Variants in ADH1C observed in about 807,000 individuals in gnomAD.
ADH1C encodes alcohol dehydrogenase 1C.
Under a neutral mutation model 35.0 loss-of-function variants are expected in ADH1C, and 26 were observed. The ratio of observed to expected loss-of-function variants is 0.74; its 90% CI spans 0.54 to 1.03. The LOEUF is 1.03. Ranked by LOEUF, ADH1C falls within the 50% of genes least tolerant of loss-of-function variation. The pLI is 0.00. For synonymous variants in ADH1C, 170 were observed against 169.3 expected (o/e 1.00, Z -0.03); for missense variants, 413 against 465.4 (o/e 0.89, Z 1.04).
chr4:99,347,999 A>G (rs564606824), intron 1 of ADH1C, among the ~76,000 whole-genome samples, 153 bp from the exon 2 acceptor site: 7 of 152,254 alleles, frequency 4.6e-5, no homozygotes, highest in Admixed American at 1.3e-4. Flanking sequence ...TATAAAGAGA[A>G]TAAGAGTATC....
chr4:99,340,621 A>T lies in ADH1C; in HGVS notation c.918T>A (p.Pro306=). Reference sequence around the variant, plus strand: ...ACGTGCGTCCAGTCAGTAGCAGCATAGGGTTTATTGAGAGGTTCTGGGAAT... The same window carrying T: ...ACGTGCGTCCAGTCAGTAGCAGCATTGGGTTTATTGAGAGGTTCTGGGAAT... ...PPDSQNLSIN[P]MLLLTGRTWK... Residue 306 remains proline (P), a synonymous_variant, in exon 7 of 9, where the codon CCT becomes CCA. Coordinates refer to ENST00000515683, the MANE Select transcript of ADH1C (RefSeq NM_000669.5). 6.2e-7 allele frequency: 1 copy of T among 1,614,092 alleles called. No individual in the cohort carries two copies. Among genetic ancestry groups the T allele is most frequent in the South Asian group, 1.1e-5 (1 of 91,074 alleles).
At chr4:99,342,637 C>T (rs1734441296) in intron 6 of ADH1C, among the ~76,000 whole-genome samples, 158 bp downstream of exon 6, 1 of 152,096 alleles carries the variant, frequency 6.6e-6, no homozygotes. Flanking sequence ...GAAGACTTCT[C>T]ATAACAATAA....
chr4:99,343,053 G>A lies in ADH1C; in HGVS notation c.570C>T (p.Val190=). ...GYGSAVKVAK[V]TPGSTCAVFG... ...ACACAGCACAGGTAGACCCTGGGGT[G>A]ACCTATGTTTTCAGAAAATGCAAAA... Residue 190 remains valine, a splice_region_variant and synonymous_variant, in exon 6 of 9, where the codon GTC becomes GTT. Coordinates refer to ENST00000515683, the MANE Select transcript of ADH1C (RefSeq NM_000669.5). The A allele has an allele frequency of 2.5e-6, 4 of 1,606,792 alleles. No homozygotes were observed. Among genetic ancestry groups the A allele is most frequent in the Non-Finnish European group, 3.4e-6 (4 of 1,177,458 alleles).
chr4:99,341,994 G>A (rs1188551456), intron 6 of ADH1C, among the ~76,000 whole-genome samples: 8 of 136,944 alleles, frequency 5.8e-5, no homozygotes, highest in African/African-American at 2.2e-4. Context: ...CCTGGTGACA[G>A]AGTGAGACCC....
In ADH1C at chr4:99,339,512, G is replaced by GCCCCCC. The variant is rs5860576; in HGVS notation, c.1103+59_1103+64dup. On this transcript the variant is annotated intron_variant, in intron 8 of 8. Transcript: ENST00000515683. ...ACCTTTTCATTCTCTGCTAGACAAC[G>GCCCCCC]CCCCCCCCCCCCCCGCCGCTACTGT... 224 of 743,784 alleles carry GCCCCCC rather than the reference G, an allele frequency of 3.0e-4. 2 individuals carry two copies. Among genetic ancestry groups the GCCCCCC allele is most frequent in the Middle Eastern group, 7.1e-4 (2 of 2,812 alleles). The allele number at this position is 743,784 out of a possible 1,614,324, so 46.1% of individuals were successfully genotyped here.
At chr4:99,345,513 C>A (rs1458538053) in intron 3 of ADH1C, among the ~76,000 whole-genome samples, 1 of 152,166 alleles carries the variant, frequency 6.6e-6, no homozygotes, top group Admixed American at 6.5e-5. Flanking sequence ...AAAAAAATTC[C>A]ATCAACTGTG....
chr4:99,345,353 A>T, intron 3 of ADH1C, 87 bp from the exon 4 acceptor site: 1 of 1,308,702 alleles, frequency 7.6e-7, no homozygotes. Flanking sequence ...ATAGATTAGA[A>T]TTATGTGTCT....
Position 99,349,758 on chromosome 4 carries a change from G to A in ADH1C, c.19-1912C>T, listed in dbSNP as rs141177927. ...CAGAGACTCCTTCCAGCTTAGATTT[G>A]AGCCCAAAATTACAGAGGTTAGAGT... On this transcript the variant is annotated intron_variant, in intron 1 of 8. Coordinates refer to ENST00000515683, the MANE Select transcript of ADH1C (RefSeq NM_000669.5). Among the ~76,000 whole-genome samples the A allele has an allele frequency of 3.1e-3, 466 of 152,120 alleles. 1 individual carries two copies. The highest frequency in any genetic ancestry group is 0.017 in the Middle Eastern group (5 of 294).
At chr4:99,349,100 T>G (rs1579535417) in intron 1 of ADH1C, among the ~76,000 whole-genome samples, 2 of 142,018 alleles carry the variant, frequency 1.4e-5, no homozygotes, top group African/African-American at 2.6e-5. Context: ...TGATGGTAGT[T>G]TCTTTTGCTG....
intron 2 of ADH1C, 47 bp from the exon 3 acceptor site, chr4:99,347,191 G>A: frequency 6.3e-7 from 1 of 1,584,342 alleles, no homozygotes; most frequent in Non-Finnish European, 8.6e-7. Flanking sequence ...GATTATGACT[G>A]TCAGATGGAC....
Position 99,345,005 on chromosome 4 carries a change from C to T in ADH1C, c.424G>A (p.Val142Ile), listed in dbSNP as rs376551492. ...TACTGGGAGAAGGTGCTGACGCCGA[C>T]GAAGTGGTGGATGGGCTTCCCGCTG... ...TCSGKPIHHFVGVSTFSQYTV... is the reference protein window; with the variant it reads ...TCSGKPIHHFIGVSTFSQYTV... Residue 142 changes from valine (V) to isoleucine (I), a missense_variant, in exon 5 of 9, where the codon GTC becomes ATC. Transcript: ENST00000515683. 275 of 1,614,168 alleles carry T rather than the reference C, an allele frequency of 1.7e-4. No individual in the cohort carries two copies. The African/African-American group carries it at 2.2e-3, about 13-fold the overall frequency.
Position 99,347,150 on chromosome 4 carries a change from G to T in ADH1C, c.121-6C>A. The T allele has an allele frequency of 6.2e-7, 1 of 1,610,466 alleles. No individual in the cohort carries two copies. Among genetic ancestry groups the T allele is most frequent in the Non-Finnish European group, 8.5e-7 (1 of 1,178,924 alleles). ...CAGATTCCTGCAGCCACCATCTACA[G>T]AATAAAGAGAAGATGTTTAGATTCA... On this transcript the variant is annotated splice_region_variant and splice_polypyrimidine_tract_variant and intron_variant, in intron 2 of 8. Coordinates refer to ENST00000515683, the MANE Select transcript of ADH1C (RefSeq NM_000669.5).
rs571087290 is a variant in ADH1C at position 99,340,620 on chromosome 4, T to C, written c.919A>G (p.Met307Val). Residue 307 changes from methionine (M) to valine (V), a missense_variant, in exon 7 of 9, where the codon ATG (methionine) becomes GTG (valine). Transcript: ENST00000515683. ...PDSQNLSINP[M>V]LLLTGRTWKG... ...CACGTGCGTCCAGTCAGTAGCAGCA[T>C]AGGGTTTATTGAGAGGTTCTGGGAA... 1.5e-5 allele frequency: 24 copies of C among 1,614,022 alleles called. No individual in the cohort carries two copies. Among genetic ancestry groups the C allele is most frequent in the South Asian group, 2.2e-5 (2 of 91,076 alleles).
rs751345244 is a variant in ADH1C, at chr4:99,345,264, C to T, written c.262G>A (p.Asp88Asn). 2 of 1,613,040 alleles carry T rather than the reference C, an allele frequency of 1.2e-6. No homozygotes were observed. The highest frequency in any genetic ancestry group is 2.7e-5 in the African/African-American group (2 of 74,914). Residue 88 changes from aspartate to asparagine, a missense_variant and splice_region_variant, in exon 4 of 9, where the codon GAT becomes AAT. By Grantham distance (23) the Asp-to-Asn change is conservative. Transcript: ENST00000515683. The stretch of plus-strand genomic sequence containing the variant: ...GGAGTAAAGAGCGGGATGACTTTAT[C>T]ACCTGCAGAGGAATAAAACAAATTC... ...GEGVTTVKPG[D>N]KVIPLFTPQC...
intron 7 of ADH1C, among the ~76,000 whole-genome samples, chr4:99,340,038 C>T (rs965291666): frequency 3.9e-5 from 6 of 152,166 alleles, no homozygotes; most frequent in Non-Finnish European, 8.8e-5. Context: ...CCATGGCCTA[C>T]TAGAAATTTC....
At position 99,345,225 on chromosome 4, in the gene ADH1C, A is replaced by G. The variant is rs1306763477; in HGVS notation, c.301T>C (p.Cys101Arg). 6.8e-6 allele frequency: 11 copies of G among 1,614,074 alleles called. No homozygotes were observed. The Admixed American group carries it at 1.2e-4, about 17-fold the overall frequency. ...CTTTCTGGGTTTTTACAAATTCTGC[A>G]TTTTCCACACTGAGGAGTAAAGAGC... ...IPLFTPQCGK[C>R]RICKNPESNY... Residue 101 changes from cysteine (C) to arginine (R), a missense_variant, in exon 4 of 9, where the codon TGC (cysteine) becomes CGC (arginine). Cys to Arg is a radical substitution (Grantham distance 180, BLOSUM62 -3). Transcript: ENST00000515683.
In ADH1C at chr4:99,340,580, A is replaced by G. The variant is rs751373066; in HGVS notation, c.959T>C (p.Phe320Ser). 2 of 1,614,174 alleles carry G rather than the reference A, an allele frequency of 1.2e-6. No individual in the cohort carries two copies. Among genetic ancestry groups the G allele is most frequent in the Non-Finnish European group, 1.7e-6 (2 of 1,180,016 alleles). ...TCTGAAGCCTAACTACATACCTCCAAAAATAGCTCCTTTCCACGTGCGTCC... is the reference window on the plus strand; with the variant it reads ...TCTGAAGCCTAACTACATACCTCCAGAAATAGCTCCTTTCCACGTGCGTCC... The part of the protein sequence containing the change: ...LTGRTWKGAI[F>S]GGFKSKESVP... Residue 320 changes from phenylalanine (F) to serine (S), a missense_variant, in exon 7 of 9, where the codon TTT (phenylalanine) becomes TCT (serine). Physicochemically the swap from Phe to Ser is radical, Grantham distance 155 (BLOSUM62 -2). Coordinates refer to ENST00000515683, the MANE Select transcript of ADH1C (RefSeq NM_000669.5).
rs1236951317 is a variant in ADH1C at position 99,339,725 on chromosome 4, A to G, written c.965-10T>C. ...TCTTTACTCTTAAAGCCTGAAAAGAAGAAAATATCATTGATAGATTCAACC... is the reference window on the plus strand; with the variant it reads ...TCTTTACTCTTAAAGCCTGAAAAGAGGAAAATATCATTGATAGATTCAACC... On this transcript the variant is annotated splice_polypyrimidine_tract_variant and intron_variant, in intron 7 of 8. Coordinates refer to ENST00000515683, the MANE Select transcript of ADH1C (RefSeq NM_000669.5). 4 of 1,600,612 alleles carry G rather than the reference A, an allele frequency of 2.5e-6. No homozygotes were observed. Among genetic ancestry groups the G allele is most frequent in the Non-Finnish European group, 3.4e-6 (4 of 1,176,112 alleles).
rs5860576 is a variant in ADH1C, at chr4:99,339,512, G to GCCCCCCCCC, written c.1103+56_1103+64dup. 38 of 743,924 alleles carry GCCCCCCCCC rather than the reference G, an allele frequency of 5.1e-5. 2 individuals carry two copies. Among genetic ancestry groups the GCCCCCCCCC allele is most frequent in the Middle Eastern group, 7.0e-4 (2 of 2,838 alleles). 46.1% of individuals were successfully genotyped at this position (743,924 alleles called of 1,614,324 possible). ...ACCTTTTCATTCTCTGCTAGACAAC[G>GCCCCCCCCC]CCCCCCCCCCCCCCGCCGCTACTGT... On this transcript the variant is annotated intron_variant, in intron 8 of 8. Coordinates refer to ENST00000515683, the MANE Select transcript of ADH1C (RefSeq NM_000669.5).
Sources: gnomAD v4.1 joint callset for allele counts (sites outside exome capture counted in the v4.1 genomes callset) on GRCh38, gnomAD v4.1.1 for gene constraint, MANE v1.5 for transcripts, NCBI Gene and HGNC (gene_info 2026-07-23, HGNC 2026-07-21) for gene names.